Variants in TAMM41 observed in about 807,000 individuals in gnomAD.
TAMM41 encodes TAM41 mitochondrial translocator assembly and maintenance homolog.
A neutral mutation model predicts 44.1 loss-of-function variants in TAMM41; 36 were observed. The observed-to-expected ratio is 0.82, with a 90% CI of 0.63 to 1.08. TAMM41 has a LOEUF of 1.08. Among genes scored for constraint, TAMM41 ranks in the 50% least tolerant of loss-of-function variants. TAMM41 has a pLI of 0.00. For missense variants in TAMM41, 417 were observed against 404.3 expected, an observed-to-expected ratio of 1.03 and a Z score of -0.27; for synonymous variants, 164 against 153.1, an observed-to-expected ratio of 1.07 and a Z score of -0.53.
chr3:11,813,227 C>T (rs1206030507), intron 5 of TAMM41, among the ~76,000 whole-genome samples: 2 of 152,010 alleles, frequency 1.3e-5, no homozygotes, highest in Non-Finnish European at 2.9e-5. Context: ...TGAGATCCTC[C>T]AATAAAACAG....
rs141933977 is a variant in TAMM41, at chr3:11,833,350, C to G, written c.412-3486G>C. 9.6e-3 allele frequency among the ~76,000 whole-genome samples: 1,462 copies of G among 152,274 alleles called. 18 individuals are homozygous for G. Among genetic ancestry groups the G allele is most frequent in the African/African-American group, 0.033 (1,392 of 41,556 alleles). ...CTTTCAAGACAGGAAAAAAGAGAAA[C>G]TCACATGTGGGCTCCTCTAAAACTG... is the stretch of plus-strand genomic sequence containing the variant. On this transcript the variant is annotated intron_variant, in intron 3 of 7. Transcript: ENST00000455809.
chr3:11,804,119 G>C (rs1464214455), intron 7 of TAMM41, among the ~76,000 whole-genome samples: 2 of 152,154 alleles, frequency 1.3e-5, no homozygotes, highest in African/African-American at 4.8e-5. Flanking sequence ...AGCACTCAGG[G>C]GAAGCAGCAT....
chr3:11,813,567 C>T (rs1188765605), intron 5 of TAMM41, among the ~76,000 whole-genome samples: 1 of 152,018 alleles, frequency 6.6e-6, no homozygotes, highest in Non-Finnish European at 1.5e-5. Context: ...AGGTCTTTGC[C>T]TCATAATCCT....
intron 3 of TAMM41, among the ~76,000 whole-genome samples, chr3:11,835,182 T>C (rs903392816): frequency 3.3e-5 from 5 of 152,234 alleles, no homozygotes; most frequent in African/African-American, 1.2e-4. Flanking sequence ...TCCAAGATAC[T>C]ACCACCCTCT....
chr3:11,770,228 T>A, the TAMM41 span, among the ~76,000 whole-genome samples: 2 of 152,090 alleles, frequency 1.3e-5, no homozygotes, highest in Admixed American at 6.6e-5. Context: ...TTGGCATCCA[T>A]GTGTGGACTG....
At chr3:11,723,216 G>A in the TAMM41 span, among the ~76,000 whole-genome samples, 1 of 152,112 alleles carries the variant, frequency 6.6e-6, no homozygotes, top group Non-Finnish European at 1.5e-5. Context: ...GGGATTGGAT[G>A]GGAGAAAACC....
At chr3:11,750,105 C>T in the TAMM41 span, among the ~76,000 whole-genome samples, 2 of 151,966 alleles carry the variant, frequency 1.3e-5, no homozygotes, top group South Asian at 2.1e-4. Context: ...ACTGTGTTAG[C>T]CAGGATGGTC....
intron 7 of TAMM41, among the ~76,000 whole-genome samples, chr3:11,798,067 A>G (rs2077653506): frequency 1.3e-5 from 2 of 152,336 alleles, no homozygotes; most frequent in African/African-American, 4.8e-5. Context: ...AATTAGTTCA[A>G]CCACTGTGGA....
chr3:11,755,294 C>T, the TAMM41 span, among the ~76,000 whole-genome samples: 9 of 149,518 alleles, frequency 6.0e-5, no homozygotes, highest in African/African-American at 2.0e-4. Flanking sequence ...ATGTCTCTCC[C>T]AGCCCCGCAG....
chr3:11,831,464 G>C (rs927880597), intron 3 of TAMM41, among the ~76,000 whole-genome samples: 1 of 152,160 alleles, frequency 6.6e-6, no homozygotes, highest in African/African-American at 2.4e-5. Context: ...GGGTCTAGAA[G>C]TCCCTTAATA....
chr3:11,819,791 A>G (rs578201795), intron 4 of TAMM41, among the ~76,000 whole-genome samples: 4 of 152,182 alleles, frequency 2.6e-5, no homozygotes, highest in Non-Finnish European at 5.9e-5. Flanking sequence ...GAGAAAAACA[A>G]GACAAAGAGA....
chr3:11,837,044 G>C (rs1215250762), intron 3 of TAMM41, among the ~76,000 whole-genome samples: 1 of 152,200 alleles, frequency 6.6e-6, no homozygotes, highest in East Asian at 1.9e-4. Context: ...TGTAACCCCT[G>C]CCCGGATCGA....
chr3:11,790,646 G>C, intron 7 of TAMM41, 65 bp from the exon 8 acceptor site: 1 of 1,397,310 alleles, frequency 7.2e-7, no homozygotes, highest in Non-Finnish European at 1.0e-6. Context: ...CAGAGTTTCA[G>C]TGACATTCTG....
At chr3:11,802,929 A>G (rs2077795181) in intron 7 of TAMM41, among the ~76,000 whole-genome samples, 1 of 152,244 alleles carries the variant, frequency 6.6e-6, no homozygotes, top group East Asian at 1.9e-4. Context: ...ACATCACATA[A>G]ACAGAATTAA....
chr3:11,838,413 T>A (rs2079279502), intron 3 of TAMM41, among the ~76,000 whole-genome samples: 1 of 152,182 alleles, frequency 6.6e-6, no homozygotes. Context: ...AGACGGGGTT[T>A]CACCACTTTG....
intron 7 of TAMM41, among the ~76,000 whole-genome samples, chr3:11,801,368 GTCAC>G (rs2077749402): frequency 6.6e-6 from 1 of 152,048 alleles, no homozygotes; most frequent in Non-Finnish European, 1.5e-5. Flanking sequence ...GTCTTACTGT[GTCAC>G]CCAGGCTGTG....
the TAMM41 span, among the ~76,000 whole-genome samples, chr3:11,745,015 C>G: frequency 6.6e-6 from 1 of 152,122 alleles, no homozygotes; most frequent in Non-Finnish European, 1.5e-5. Context: ...AGGTGCCCAC[C>G]ACCACACTCG....
intron 3 of TAMM41, chr3:11,833,021 T>C: frequency 9.3e-7 from 1 of 1,072,088 alleles, no homozygotes; most frequent in Non-Finnish European, 1.1e-6. Context: ...AAAATGTCAG[T>C]TCGGAAGATT....
At chr3:11,821,702 G>A (rs2078528369) in intron 4 of TAMM41, among the ~76,000 whole-genome samples, 1 of 152,150 alleles carries the variant, frequency 6.6e-6, no homozygotes, top group South Asian at 2.1e-4. Context: ...GAAGCGCTGG[G>A]TCTTGGAGAT....
Sources: allele counts gnomAD v4.1 joint callset (sites outside exome capture counted in the v4.1 genomes callset), GRCh38; gene constraint gnomAD v4.1.1; transcripts MANE v1.5; gene names NCBI Gene and HGNC (gene_info 2026-07-23, HGNC 2026-07-21).